Variants in DNHD1 observed in about 807,000 individuals in gnomAD.
DNHD1 encodes the protein dynein heavy chain domain-containing protein 1.
DNHD1 carries 383 observed loss-of-function variants against 458.1 expected under a neutral mutation model. The observed-to-expected ratio is 0.84, with a 90% CI of 0.77 to 0.91. The LOEUF (loss-of-function observed/expected upper bound fraction) is 0.91. Ranked by LOEUF, DNHD1 falls within the 40% of genes least tolerant of loss-of-function variation. The pLI is 0.00. For missense variants in DNHD1, 5,336 were observed against 5,866.1 expected, an observed-to-expected ratio of 0.91 and a Z score of 2.95; for synonymous variants, 2,203 against 2,376.9, an observed-to-expected ratio of 0.93 and a Z score of 2.13.
chr11:6,498,989 G>C (rs375885854), intron 3 of DNHD1, 28 bp downstream of exon 3: 6 of 1,537,686 alleles, frequency 3.9e-6, no homozygotes, highest in Non-Finnish European at 5.2e-6. Context: ...TCTAGGGCTT[G>C]AGCAGAGGAG....
chr11:6,570,770 A>T lies in DNHD1; in HGVS notation c.13258A>T (p.Ser4420Cys). 1 of 1,613,002 alleles carries T rather than the reference A, an allele frequency of 6.2e-7. No homozygotes were observed. Among genetic ancestry groups the T allele is most frequent in the Non-Finnish European group, 8.5e-7 (1 of 1,179,496 alleles). Residue 4420 changes from serine to cysteine, a missense_variant, in exon 42 of 43, where the codon AGT becomes TGT. By Grantham distance (112) the Ser-to-Cys change is moderately radical (BLOSUM62 -1). Transcript: ENST00000254579. Reference sequence around the variant, plus strand: ...CGCTCTCTTGAGTGCGCTGCAGCGGAGTTCACCCGTGTGGGTTCCTGAGTC... The same window carrying T: ...CGCTCTCTTGAGTGCGCTGCAGCGGTGTTCACCCGTGTGGGTTCCTGAGTC... ...SRALLSALQR[S>C]SPVWVPESRR...
chr11:6,570,474 C>A (rs1853818824), intron 41 of DNHD1, 78 bp downstream of exon 41: 2 of 1,505,606 alleles, frequency 1.3e-6, no homozygotes, highest in Non-Finnish European at 8.9e-7. Context: ...ATGTGGACAG[C>A]AGTCTCAATA....
chr11:6,567,486 T>C lies in DNHD1; in HGVS notation c.11977T>C (p.Leu3993=). The C allele has an allele frequency of 6.2e-7, 1 of 1,613,484 alleles. No individual in the cohort carries two copies. Among genetic ancestry groups the C allele is most frequent in the Non-Finnish European group, 8.5e-7 (1 of 1,179,668 alleles). The change falls in exon 36 of 43, where the codon TTA becomes CTA. Residue 3993 remains leucine, a synonymous_variant. Coordinates refer to ENST00000254579, the MANE Select transcript of DNHD1 (RefSeq NM_144666.3). ...GPKAWHECEM[L]ELLPPFVGLC... ...AAAAGCCTGGCATGAATGTGAGATG[T>C]TAGAGCTGCTGCCCCCATTTGTTGG... is the stretch of plus-strand genomic sequence containing the variant.
Position 6,564,064 on chromosome 11 carries a change from C to T in DNHD1, c.10224C>T (p.His3408=). 1.9e-6 allele frequency: 3 copies of T among 1,551,712 alleles called. No individual in the cohort carries two copies. Among genetic ancestry groups the T allele is most frequent in the Non-Finnish European group, 2.6e-6 (3 of 1,147,014 alleles). The change falls in exon 31 of 43, where the codon CAC becomes CAT. Residue 3408 remains histidine, a synonymous_variant. Coordinates refer to ENST00000254579, the MANE Select transcript of DNHD1 (RefSeq NM_144666.3). The part of the protein sequence containing the change: ...TLSQAQCGQY[H]KWPMKAALLT... ...GTCAAGCACAGTGTGGGCAGTATCACAAATGGCCCATGAAGGCTGCACTGC... is the reference window on the plus strand; with the variant it reads ...GTCAAGCACAGTGTGGGCAGTATCATAAATGGCCCATGAAGGCTGCACTGC...
chr11:6,517,652 C>CTTTTTTTTTTTTTTTTT (rs59300977), intron 7 of DNHD1, among the ~76,000 whole-genome samples: 1 of 59,050 alleles, frequency 1.7e-5, no homozygotes, highest in African/African-American at 5.5e-5. Flanking sequence ...TCTAGGACTT[C>CTTTTTTTTTTTTTTTTT]TTTTTTTTTT....
At position 6,533,904 on chromosome 11, in the gene DNHD1, A is replaced by G; in HGVS notation, c.2729A>G (p.Asp910Gly). The G allele has an allele frequency of 1.3e-6, 2 of 1,550,986 alleles. No individual in the cohort carries two copies. The highest frequency in any genetic ancestry group is 1.7e-6 in the Non-Finnish European group (2 of 1,146,830). Residue 910 changes from aspartate to glycine, a missense_variant, in exon 14 of 43, where the codon GAT (aspartate) becomes GGT (glycine). Physicochemically the swap from Asp to Gly is moderately conservative, Grantham distance 94 (BLOSUM62 -1). Around this residue, in one of 4 missense-constraint regions of DNHD1, gnomAD observed 3,932 missense variants for 4,365.6 expected, o/e 0.90. Coordinates refer to ENST00000254579, the MANE Select transcript of DNHD1 (RefSeq NM_144666.3). Reference sequence around the variant, plus strand: ...CCTCTGCTTGCCCCACAGCTTCTGGATATGTGGGAGGCATTTCAGTTTGAG... The same window carrying G: ...CCTCTGCTTGCCCCACAGCTTCTGGGTATGTGGGAGGCATTTCAGTTTGAG... ...HCPLLAPQLL[D>G]MWEAFQFEKS...
intron 3 of DNHD1, 136 bp from the exon 4 acceptor site, chr11:6,502,617 G>T (rs1277091946): frequency 7.5e-6 from 5 of 666,532 alleles, no homozygotes; most frequent in Non-Finnish European, 1.2e-5. Context: ...TGGTAGTCAG[G>T]CTCGACAATG....
At chr11:6,521,994 G>T (rs2134398137) in intron 10 of DNHD1, among the ~76,000 whole-genome samples, 1 of 152,300 alleles carries the variant, frequency 6.6e-6, no homozygotes, top group Middle Eastern at 3.4e-3. Context: ...TGGGATTACA[G>T]GCATGAGCCA....
rs1564816234 is a variant in DNHD1, at chr11:6,546,663, G to GTCT, written c.5724_5725insTCT (p.Glu1908_Ala1909insSer). 2.6e-6 allele frequency: 4 copies of GTCT among 1,551,540 alleles called. No homozygotes were observed. The highest frequency in any genetic ancestry group is 3.5e-6 in the Non-Finnish European group (4 of 1,146,798). ...CTCGCAGCCTAGCTGCCATTGAGGA[G>GTCT]GCTGCCCTACTGCGCTCACCACTGT... On this transcript the variant is annotated inframe_insertion, in exon 21 of 43. Coordinates refer to ENST00000254579, the MANE Select transcript of DNHD1 (RefSeq NM_144666.3).
At chr11:6,566,849 G>T in intron 35 of DNHD1, 46 bp from the exon 36 acceptor site, 1 of 1,600,096 alleles carries the variant, frequency 6.2e-7, no homozygotes, top group Non-Finnish European at 8.5e-7. Context: ...GATGTTTGGG[G>T]TCTGTGGGAA....
intron 7 of DNHD1, among the ~76,000 whole-genome samples, chr11:6,518,658 C>A (rs1397918910): frequency 2.0e-5 from 3 of 152,148 alleles, no homozygotes; most frequent in Non-Finnish European, 4.4e-5. Flanking sequence ...ATATAAATAA[C>A]AAAATGATGG....
At chr11:6,529,819 G>A (rs1306354208) in intron 12 of DNHD1, among the ~76,000 whole-genome samples, 1 of 152,178 alleles carries the variant, frequency 6.6e-6, no homozygotes, top group Non-Finnish European at 1.5e-5. Flanking sequence ...GAGCTGCGAT[G>A]TGTTTTCTTG....
Position 6,571,208 on chromosome 11 carries a change from T to A in DNHD1, c.13696T>A (p.Leu4566Met). 4 of 1,607,536 alleles carry A rather than the reference T, an allele frequency of 2.5e-6. No individual in the cohort carries two copies. Among genetic ancestry groups the A allele is most frequent in the Non-Finnish European group, 3.4e-6 (4 of 1,176,208 alleles). ...SRRGQLLVRY[L>M]GVGADASSDV... ...CCGTGGGCAACTGTTGGTTCGTTAC[T>A]TGGGCGTGGGCGCGGACGCGAGCAG... Residue 4566 changes from leucine to methionine, a missense_variant, in exon 42 of 43, where the codon TTG becomes ATG. By Grantham distance (15) the Leu-to-Met change is conservative. Coordinates refer to ENST00000254579, the MANE Select transcript of DNHD1 (RefSeq NM_144666.3). This position sits in a 1 kb window ranked among gnomAD's most constrained non-coding sequence, Gnocchi z 5.0.
intron 17 of DNHD1, 41 bp downstream of exon 17, chr11:6,539,354 C>G (rs1238121697): frequency 2.1e-6 from 3 of 1,425,330 alleles, no homozygotes; most frequent in Non-Finnish European, 2.9e-6. Flanking sequence ...TGGTCCAAAG[C>G]CAGGACCTGT....
At position 6,538,431 on chromosome 11, in the gene DNHD1, T is replaced by A; in HGVS notation, c.3047T>A (p.Val1016Glu). The A allele has an allele frequency of 1.3e-6, 2 of 1,551,792 alleles. No individual in the cohort carries two copies. Among genetic ancestry groups the A allele is most frequent in the Non-Finnish European group, 1.7e-6 (2 of 1,147,018 alleles). The stretch of plus-strand genomic sequence containing the variant: ...CCAATCTGTGGGACACGTCCTATTG[T>A]GCAGCAGCAGCGCATATGGCACCTG... ...PLPICGTRPI[V>E]QQQRIWHLYR... Residue 1016 changes from valine (V) to glutamate (E), a missense_variant, in exon 15 of 43, where the codon GTG becomes GAG. This residue lies in a region of DNHD1 where 3,932 missense variants were observed against 4,365.6 expected (regional missense o/e 0.90). Transcript: ENST00000254579.
rs955351065 is a variant in DNHD1, at chr11:6,559,302, G to A, written c.9519+19G>A. 8.4e-6 allele frequency: 13 copies of A among 1,547,124 alleles called. No individual in the cohort carries two copies. The highest frequency in any genetic ancestry group is 1.7e-4 in the Middle Eastern group (1 of 6,008). On this transcript the variant is annotated intron_variant, in intron 28 of 42. Coordinates refer to ENST00000254579, the MANE Select transcript of DNHD1 (RefSeq NM_144666.3). ...CGGCAAGGTAAGGAGATGATTTTGA[G>A]GCTTCCATGGTGGTGTCAAAGCAGG...
At chr11:6,511,139 T>C in intron 6 of DNHD1, 134 bp from the exon 7 acceptor site, 1 of 1,198,592 alleles carries the variant, frequency 8.3e-7, no homozygotes, top group Non-Finnish European at 1.2e-6. Flanking sequence ...GCTGTCACTA[T>C]TGGTCACTGT....
chr11:6,559,199 G>T lies in DNHD1; in HGVS notation c.9435G>T (p.Glu3145Asp). The T allele has an allele frequency of 1.3e-6, 2 of 1,551,708 alleles. No individual in the cohort carries two copies. The highest frequency in any genetic ancestry group is 2.4e-5 in the South Asian group (2 of 84,056). ...TCTCCAGGGTCCAGAATGCCTTGGAGAATCTGAGAATGCTGATTAAGGAGC... is the reference window on the plus strand; with the variant it reads ...TCTCCAGGGTCCAGAATGCCTTGGATAATCTGAGAATGCTGATTAAGGAGC... Reference protein sequence around the residue: ...NKAQRVQNALENLRMLIKEHG... With the variant: ...NKAQRVQNALDNLRMLIKEHG... The change falls in exon 28 of 43, where the codon GAG (glutamate) becomes GAT (aspartate). Residue 3145 changes from glutamate to aspartate, a missense_variant. This residue lies in a region of DNHD1 where 3,932 missense variants were observed against 4,365.6 expected (regional missense o/e 0.90). Transcript: ENST00000254579.
rs557998352 is a variant in DNHD1 at position 6,565,859 on chromosome 11, G to A, written c.10921G>A (p.Glu3641Lys). The change falls in exon 33 of 43, where the codon GAG becomes AAG. Residue 3641 changes from glutamate (E) to lysine (K), a missense_variant. This residue lies in a region of DNHD1 where 695 missense variants were observed against 804.2 expected (regional missense o/e 0.86). Transcript: ENST00000254579. The part of the protein sequence containing the change: ...EKEQEENEEK[E>K]EEKTESQGSK... ...AGAGCAAGAGGAAAATGAAGAGAAAGAGGAGGAGAAGACAGAGAGCCAGGG... is the reference window on the plus strand; with the variant it reads ...AGAGCAAGAGGAAAATGAAGAGAAAAAGGAGGAGAAGACAGAGAGCCAGGG... 5.8e-6 allele frequency: 9 copies of A among 1,551,668 alleles called. No individual in the cohort carries two copies. In the South Asian group the frequency reaches 9.5e-5, roughly 16 times the overall value.
Sources: gnomAD v4.1 joint callset for allele counts (sites outside exome capture counted in the v4.1 genomes callset) on GRCh38, gnomAD v4.1.1 for gene constraint, gnomAD v4.1.1 regional missense constraint, Gnocchi (gnomAD v3.1) non-coding constraint, MANE v1.5 for transcripts, NCBI Gene and HGNC (gene_info 2026-07-23, HGNC 2026-07-21) for gene names.